The following MLLT10 variants were observed in gnomAD, a reference collection of about 807,000 sequenced individuals.
MLLT10 encodes protein AF-10.
A neutral mutation model predicts 129.1 loss-of-function variants in MLLT10; 30 were observed. The ratio of observed to expected loss-of-function variants is 0.23; its 90% confidence interval spans 0.17 to 0.32. The LOEUF is 0.32. Among genes scored for constraint, MLLT10 ranks in the 10% least tolerant of loss-of-function variants. The pLI, the probability that MLLT10 is intolerant of heterozygous loss-of-function variation, is 1.00. For missense variants in MLLT10, 1,119 were observed against 1,268.3 expected, an observed-to-expected ratio of 0.88 and a Z score of 1.79; for synonymous variants, 490 against 446.4, an observed-to-expected ratio of 1.10 and a Z score of -1.23.
chr10:21,590,364 G>C (rs1589118580), intron 4 of MLLT10, among the ~76,000 whole-genome samples: 1 of 151,006 alleles, frequency 6.6e-6, no homozygotes, highest in South Asian at 2.1e-4. Context: ...TTTTGAGATG[G>C]AGTCTTGCTC....
intron 21 of MLLT10, 89 bp from the exon 22 acceptor site, chr10:21,739,941 A>G: frequency 9.9e-7 from 1 of 1,011,492 alleles, no homozygotes; most frequent in East Asian, 2.6e-5. Context: ...AATATCTAAT[A>G]TTAAAGGAAA....
At chr10:21,628,587 T>C (rs1475401300) in intron 8 of MLLT10, among the ~76,000 whole-genome samples, 1 of 151,374 alleles carries the variant, frequency 6.6e-6, no homozygotes, top group Non-Finnish European at 1.5e-5. Flanking sequence ...GATTACGGGC[T>C]TTTGCCACGA....
At chr10:21,591,317 T>C (rs1277382466) in intron 4 of MLLT10, among the ~76,000 whole-genome samples, 7 of 152,170 alleles carry the variant, frequency 4.6e-5, no homozygotes, top group African/African-American at 1.4e-4. Flanking sequence ...CATGAACCAC[T>C]GTCCCCAGCC....
rs59806848 is a variant in MLLT10 at position 21,593,272 on chromosome 10, T to C, written c.296-2059T>C. 9.2e-3 allele frequency among the ~76,000 whole-genome samples: 1,396 copies of C among 152,120 alleles called. 15 individuals carry two copies. Among genetic ancestry groups the C allele is most frequent in the African/African-American group, 0.031 (1,302 of 41,506 alleles). ...GCCGCACCTGACTCATTATTTTTTTTTGTAGAGATGGGGTTTCACTTTGTT... is the reference window on the plus strand; with the variant it reads ...GCCGCACCTGACTCATTATTTTTTTCTGTAGAGATGGGGTTTCACTTTGTT... On this transcript the variant is annotated intron_variant, in intron 4 of 22. Coordinates refer to ENST00000307729, the MANE Select transcript of MLLT10 (RefSeq NM_001195626.3).
intron 8 of MLLT10, 152 bp from the exon 9 acceptor site, chr10:21,651,521 A>G (rs1393368562): frequency 2.6e-5 from 15 of 570,524 alleles, no homozygotes; most frequent in South Asian, 8.1e-5. Context: ...CACTAGTATT[A>G]CTTGTTTATA....
In MLLT10 at chr10:21,534,405, G is replaced by T; in HGVS notation, c.-116G>T. The T allele has an allele frequency of 2.2e-6, 1 of 457,104 alleles. No homozygotes were observed. Among genetic ancestry groups the T allele is most frequent in the South Asian group, 4.2e-5 (1 of 23,610 alleles). The allele number at this position is 457,104 out of a possible 1,614,324, so 28.3% of individuals were successfully genotyped here. A position where few individuals can be genotyped will look rare whatever the true frequency, so the allele number is the denominator to read the frequency against. ...CGGCCGGGTGGAGGTGGGGAGGGAA[G>T]ACGCTGAGGAGGAGGAGGAGGCGGA... is the stretch of plus-strand genomic sequence containing the variant. On this transcript the variant is annotated 5_prime_UTR_variant, in exon 1 of 23. Coordinates refer to ENST00000307729, the MANE Select transcript of MLLT10 (RefSeq NM_001195626.3).
chr10:21,654,309 T>A lies in MLLT10; in HGVS notation c.795+2541T>A, dbSNP rs1289888797. On this transcript the variant is annotated intron_variant, in intron 9 of 22. Transcript: ENST00000307729. ...TTTAAAAATAAGATAAATAATAGGATGTTAGGTACACTAATAGGAATGATT... is the reference window on the plus strand; with the variant it reads ...TTTAAAAATAAGATAAATAATAGGAAGTTAGGTACACTAATAGGAATGATT... 2.6e-5 allele frequency among the ~76,000 whole-genome samples: 4 copies of A among 151,998 alleles called. No individual in the cohort carries two copies. In the East Asian group the frequency reaches 5.8e-4, roughly 22 times the overall value.
intron 14 of MLLT10, among the ~76,000 whole-genome samples, chr10:21,725,987 G>A (rs1225695617): frequency 6.6e-6 from 1 of 151,910 alleles, no homozygotes; most frequent in Admixed American, 6.6e-5. Context: ...TCCTGATCTC[G>A]TGATCTGCCC....
At chr10:21,646,115 A>G (rs1042679596) in intron 8 of MLLT10, among the ~76,000 whole-genome samples, 6 of 152,176 alleles carry the variant, frequency 3.9e-5, no homozygotes, top group African/African-American at 1.4e-4. Flanking sequence ...TGTAGGCATG[A>G]TAATTGCTTG....
chr10:21,663,689 C>G (rs907126682), intron 9 of MLLT10, among the ~76,000 whole-genome samples: 7 of 152,170 alleles, frequency 4.6e-5, no homozygotes, highest in Non-Finnish European at 1.0e-4. Flanking sequence ...CTCAGCCTCC[C>G]GAATAGCTGG....
intron 14 of MLLT10, among the ~76,000 whole-genome samples, chr10:21,717,789 T>TCTTCTTCTTCTC (rs1564711745): frequency 4.2e-5 from 2 of 47,910 alleles, no homozygotes; most frequent in Non-Finnish European, 9.8e-5. Context: ...TGCTTCTTCT[T>TCTTCTTCTTCTC]CTTCTTCTTC....
At chr10:21,593,790 G>C (rs1310287397) in intron 4 of MLLT10, among the ~76,000 whole-genome samples, 1 of 151,780 alleles carries the variant, frequency 6.6e-6, no homozygotes, top group Non-Finnish European at 1.5e-5. Flanking sequence ...AGCCCCGTGT[G>C]GTGGTGGGCA....
chr10:21,601,279 A>G (rs2043506629), intron 5 of MLLT10, among the ~76,000 whole-genome samples: 1 of 152,086 alleles, frequency 6.6e-6, no homozygotes, highest in Admixed American at 6.5e-5. Context: ...AACTTGATAT[A>G]TTATTTGCTT....
At chr10:21,645,781 G>A (rs554414208) in intron 8 of MLLT10, among the ~76,000 whole-genome samples, 1 of 152,244 alleles carries the variant, frequency 6.6e-6, no homozygotes, top group East Asian at 1.9e-4. Context: ...ATTCCTCTTG[G>A]CCTTAAGATA....
intron 13 of MLLT10, among the ~76,000 whole-genome samples, chr10:21,689,399 A>G (rs2053598487): frequency 1.3e-5 from 2 of 151,660 alleles, no homozygotes; most frequent in South Asian, 4.2e-4. Flanking sequence ...AGCTATTCAG[A>G]TAATGTAACG....
intron 6 of MLLT10, among the ~76,000 whole-genome samples, chr10:21,614,544 T>C (rs915209809): frequency 1.3e-5 from 2 of 152,110 alleles, no homozygotes; most frequent in Non-Finnish European, 2.9e-5. Flanking sequence ...TATCTTAAAC[T>C]TAATATCTAT....
chr10:21,588,485 G>T (rs1564463288), intron 4 of MLLT10, among the ~76,000 whole-genome samples: 1 of 151,794 alleles, frequency 6.6e-6, no homozygotes, highest in Non-Finnish European at 1.5e-5. Flanking sequence ...ACTAACTCTT[G>T]TATGTATGTC....
intron 14 of MLLT10, among the ~76,000 whole-genome samples, 161 bp downstream of exon 14, chr10:21,714,111 A>G (rs545094204): frequency 6.6e-6 from 1 of 152,318 alleles, no homozygotes; most frequent in African/African-American, 2.4e-5. Context: ...GTATTTTTAC[A>G]TGGTATTCAT....
chr10:21,622,868 C>A (rs1222566644), intron 8 of MLLT10, among the ~76,000 whole-genome samples: 1 of 152,220 alleles, frequency 6.6e-6, no homozygotes, highest in Non-Finnish European at 1.5e-5. Context: ...TTGCAAGTCC[C>A]AGATTGTCAC....
Sources: gnomAD v4.1 joint callset for allele counts (sites outside exome capture counted in the v4.1 genomes callset) on GRCh38, gnomAD v4.1.1 for gene constraint, MANE v1.5 for transcripts, NCBI Gene and HGNC (gene_info 2026-07-23, HGNC 2026-07-21) for gene names.